TOP6BL: variants seen among roughly 807,000 people sequenced by gnomAD.
TOP6BL encodes the protein type 2 DNA topoisomerase 6 subunit B-like.
the TOP6BL span, chr11:66,756,378 G>A: frequency 8.4e-7 from 1 of 1,184,040 alleles, no homozygotes; most frequent in Non-Finnish European, 1.1e-6. Flanking sequence ...TGTTACCCAG[G>A]CCGGAGTGCA....
the TOP6BL span, chr11:66,801,122 T>G: frequency 6.2e-7 from 1 of 1,604,664 alleles, no homozygotes; most frequent in Non-Finnish European, 8.5e-7. Flanking sequence ...TAAAGCCTTG[T>G]TGTCCCTCTG....
chr11:66,763,004 A>G, the TOP6BL span, among the ~76,000 whole-genome samples: 6 of 152,142 alleles, frequency 3.9e-5, no homozygotes, highest in Non-Finnish European at 8.8e-5. Flanking sequence ...CAGTAGTTAG[A>G]GACTAGCCTG....
chr11:66,773,498 C>T, the TOP6BL span, among the ~76,000 whole-genome samples: 1 of 152,108 alleles, frequency 6.6e-6, no homozygotes, highest in Non-Finnish European at 1.5e-5. Flanking sequence ...GCAATATCCT[C>T]TTTCTTACTC....
At chr11:66,843,377 G>A in the TOP6BL span, 9 of 1,434,910 alleles carry the variant, frequency 6.3e-6, no homozygotes, top group Non-Finnish European at 8.2e-6. Context: ...GGGGCGGGGC[G>A]TGGAGCCGCG....
the TOP6BL span, among the ~76,000 whole-genome samples, chr11:66,747,081 C>T: frequency 6.6e-6 from 1 of 152,088 alleles, no homozygotes; most frequent in East Asian, 1.9e-4. Context: ...GGGCTACAGG[C>T]ACACACCACC....
chr11:66,824,332 G>A, the TOP6BL span, among the ~76,000 whole-genome samples: 8 of 151,288 alleles, frequency 5.3e-5, no homozygotes, highest in African/African-American at 1.5e-4. Context: ...CGCAACCTCC[G>A]CCTCCTGGGT....
the TOP6BL span, among the ~76,000 whole-genome samples, chr11:66,746,723 A>G: frequency 1.4e-4 from 21 of 151,476 alleles, no homozygotes; most frequent in Admixed American, 1.4e-3. Flanking sequence ...TCAAAAAAAA[A>G]AAATTAGCAG....
At chr11:66,843,285 G>A in the TOP6BL span, 293 of 1,591,646 alleles carry the variant, frequency 1.8e-4, 12 homozygotes, top group South Asian at 3.2e-3. Context: ...GCGGGCAGCC[G>A]TTATCCCGTG....
the TOP6BL span, chr11:66,761,629 G>A: frequency 2.2e-5 from 27 of 1,211,740 alleles, no homozygotes; most frequent in South Asian, 3.2e-4. Context: ...TGTACGCCTG[G>A]TGCTCCGGGG....
At chr11:66,805,656 T>G in the TOP6BL span, among the ~76,000 whole-genome samples, 1 of 152,138 alleles carries the variant, frequency 6.6e-6, no homozygotes, top group Non-Finnish European at 1.5e-5. Flanking sequence ...AGTTTCACCA[T>G]GTTGCCCAGG....
chr11:66,841,767 A>C, the TOP6BL span, among the ~76,000 whole-genome samples: 2 of 152,266 alleles, frequency 1.3e-5, no homozygotes, highest in African/African-American at 4.8e-5. Flanking sequence ...ACGCCACTGC[A>C]CTCCAGCCTA....
At chr11:66,770,688 A>T in the TOP6BL span, among the ~76,000 whole-genome samples, 3 of 152,188 alleles carry the variant, frequency 2.0e-5, no homozygotes, top group Non-Finnish European at 4.4e-5. Flanking sequence ...TGGGTGACAG[A>T]GCCAGACTCT....
At chr11:66,804,014 A>G in the TOP6BL span, 55 of 1,605,186 alleles carry the variant, frequency 3.4e-5, no homozygotes, top group South Asian at 4.5e-5. Context: ...TTTTGGTACA[A>G]TTGAATCACA....
chr11:66,833,466 T>A, the TOP6BL span, among the ~76,000 whole-genome samples: 2 of 151,826 alleles, frequency 1.3e-5, no homozygotes, highest in African/African-American at 4.8e-5. Context: ...ATATTTGGGG[T>A]GGGGGAGAAT....
At chr11:66,794,237 G>A in the TOP6BL span, among the ~76,000 whole-genome samples, 2 of 139,254 alleles carry the variant, frequency 1.4e-5, no homozygotes, top group East Asian at 2.1e-4. Flanking sequence ...TTTGTTTTTT[G>A]TTTTTAACAT....
the TOP6BL span, among the ~76,000 whole-genome samples, chr11:66,753,532 G>A: frequency 7.0e-6 from 1 of 141,970 alleles, no homozygotes; most frequent in Non-Finnish European, 1.5e-5. Flanking sequence ...TCAGCCTCCC[G>A]AGTAGCTGGG....
the TOP6BL span, among the ~76,000 whole-genome samples, chr11:66,800,176 GA>G: frequency 6.6e-6 from 1 of 152,016 alleles, no homozygotes; most frequent in Non-Finnish European, 1.5e-5. Flanking sequence ...TGTGGAATCT[GA>G]AAAAGTCAAA....
chr11:66,839,201 A>G, the TOP6BL span: 2 of 456,144 alleles, frequency 4.4e-6, no homozygotes, highest in African/African-American at 4.0e-5. Flanking sequence ...ACTAGCAGAG[A>G]TGCCAGGTAC....
chr11:66,786,470 A>G, the TOP6BL span, among the ~76,000 whole-genome samples: 1 of 152,190 alleles, frequency 6.6e-6, no homozygotes, highest in Non-Finnish European at 1.5e-5. Flanking sequence ...TCACCTTTTT[A>G]CATTTAACTG....
Sources: allele counts gnomAD v4.1 joint callset (sites outside exome capture counted in the v4.1 genomes callset), GRCh38; gene constraint gnomAD v4.1.1; transcripts MANE v1.5; gene names NCBI Gene and HGNC (gene_info 2026-07-23, HGNC 2026-07-21).